MARCHF1: variants seen among roughly 807,000 people sequenced by gnomAD.
MARCHF1 encodes membrane associated ring-CH-type finger 1.
In MARCHF1, 40 loss-of-function variants were observed where a neutral mutation model predicts 54.2. The ratio of observed to expected loss-of-function variants is 0.74; its 90% CI spans 0.57 to 0.96. MARCHF1 has a LOEUF of 0.96. Among genes scored for constraint, MARCHF1 ranks in the 40% least tolerant of loss-of-function variants. The probability of loss-of-function intolerance (pLI) is 0.00; values close to 1 mark genes in which losing one functional copy is unlikely to be tolerated. For synonymous variants in MARCHF1, 236 were observed against 236.3 expected (o/e 1.00, Z 0.01); for missense variants, 586 against 656.5 (o/e 0.89, Z 1.17).
chr4:163,792,576 T>A (rs891210628), intron 4 of MARCHF1, among the ~76,000 whole-genome samples: 3 of 152,144 alleles, frequency 2.0e-5, no homozygotes, highest in African/African-American at 7.2e-5. Context: ...TACAGCTAAA[T>A]CCTAACTACT....
At chr4:164,297,368 G>T (rs1173583973) in intron 1 of MARCHF1, among the ~76,000 whole-genome samples, 1 of 152,142 alleles carries the variant, frequency 6.6e-6, no homozygotes, top group African/African-American at 2.4e-5. Flanking sequence ...TTGGCAATAA[G>T]TCATGTTGAG....
intron 1 of MARCHF1, among the ~76,000 whole-genome samples, chr4:164,251,657 T>G (rs1243010756): frequency 6.6e-6 from 1 of 152,176 alleles, no homozygotes; most frequent in Non-Finnish European, 1.5e-5. Context: ...GCTGCCTCCT[T>G]TATAATTCAC....
chr4:164,101,770 T>C (rs1267959502), intron 2 of MARCHF1, among the ~76,000 whole-genome samples: 1 of 148,182 alleles, frequency 6.7e-6, no homozygotes, highest in African/African-American at 2.5e-5. Flanking sequence ...GGAGAATGAC[T>C]TTGACGAGCT....
chr4:163,702,604 T>C (rs1744840945), intron 4 of MARCHF1, among the ~76,000 whole-genome samples: 1 of 152,172 alleles, frequency 6.6e-6, no homozygotes, highest in African/African-American at 2.4e-5. Flanking sequence ...CTTTATGGTG[T>C]TTTGAGATAA....
chr4:163,528,774 C>T lies in MARCHF1; in HGVS notation c.1612G>A (p.Gly538Ser). 6.2e-7 allele frequency: 1 copy of T among 1,612,306 alleles called. No individual in the cohort carries two copies. The highest frequency in any genetic ancestry group is 8.5e-7 in the Non-Finnish European group (1 of 1,178,868). The change falls in exon 10 of 10, where the codon GGC (glycine) becomes AGC (serine). Residue 538 changes from glycine to serine, a missense_variant. Around this residue, in one of 3 missense-constraint regions of MARCHF1, gnomAD observed 106 missense variants for 93.8 expected, o/e 1.13. Transcript: ENST00000514618. ...CAGACTGATACAACTTCAGGGGGGC[C>T]ACCCTCTGCAGATGGCAGTGAATTT... ...GANSLPSAEG[G>S]PPEVVSV
intron 1 of MARCHF1, among the ~76,000 whole-genome samples, chr4:164,367,300 G>T (rs1257476158): frequency 2.0e-5 from 3 of 152,024 alleles, no homozygotes; most frequent in African/African-American, 4.8e-5. Flanking sequence ...TACTGAAATT[G>T]TTACTCTAAG....
At chr4:163,834,092 A>C (rs754957657) in intron 4 of MARCHF1, among the ~76,000 whole-genome samples, 3 of 152,218 alleles carry the variant, frequency 2.0e-5, no homozygotes, top group Non-Finnish European at 4.4e-5. Flanking sequence ...GCAAGGAGAA[A>C]GAGACAATAT....
chr4:163,901,586 A>T (rs1175946794), intron 3 of MARCHF1, among the ~76,000 whole-genome samples: 2 of 152,182 alleles, frequency 1.3e-5, no homozygotes, highest in African/African-American at 4.8e-5. Flanking sequence ...ATACGTTTTC[A>T]GCCCTGGGAA....
intron 8 of MARCHF1, among the ~76,000 whole-genome samples, chr4:163,549,655 G>T (rs1026736874): frequency 1.3e-5 from 2 of 149,976 alleles, no homozygotes; most frequent in Middle Eastern, 3.5e-3. Flanking sequence ...GGCCTTTGGT[G>T]CCTGTTTTAC....
chr4:164,121,468 T>C (rs570532486), intron 1 of MARCHF1, among the ~76,000 whole-genome samples: 1 of 152,034 alleles, frequency 6.6e-6, no homozygotes, highest in South Asian at 2.1e-4. Context: ...AAGAGAGAGA[T>C]GTGCTGAGCA....
intron 3 of MARCHF1, among the ~76,000 whole-genome samples, chr4:163,866,819 A>G (rs1750062597): frequency 1.3e-5 from 2 of 151,826 alleles, no homozygotes; most frequent in Non-Finnish European, 2.9e-5. Context: ...AAAAGGAATC[A>G]AGTTAGAACT....
intron 1 of MARCHF1, among the ~76,000 whole-genome samples, chr4:164,314,465 T>C (rs1263823064): frequency 2.6e-5 from 4 of 152,224 alleles, no homozygotes; most frequent in African/African-American, 7.2e-5. Flanking sequence ...TCATTGACTC[T>C]TAATAATTCC....
intron 1 of MARCHF1, among the ~76,000 whole-genome samples, chr4:164,313,634 T>C (rs1734925331): frequency 6.6e-6 from 1 of 152,072 alleles, no homozygotes; most frequent in South Asian, 2.1e-4. Context: ...ATAACAATAT[T>C]AGCAGTTTTA....
At chr4:163,984,986 C>A (rs1752833988) in intron 3 of MARCHF1, among the ~76,000 whole-genome samples, 1 of 152,068 alleles carries the variant, frequency 6.6e-6, no homozygotes, top group Non-Finnish European at 1.5e-5. Flanking sequence ...TGTAGGTGAA[C>A]CTAAACCATT....
rs150273007 is a variant in MARCHF1, at chr4:163,626,651, G to A, written c.163-13258C>T. Among the ~76,000 whole-genome samples, 600 of 152,204 alleles carry A rather than the reference G, an allele frequency of 3.9e-3. 3 individuals carry two copies. Among genetic ancestry groups the A allele is most frequent in the African/African-American group, 0.013 (538 of 41,526 alleles). On this transcript the variant is annotated intron_variant, in intron 5 of 9. Transcript: ENST00000514618. ...ATATTAAAACTAGTTCTAGGGGACCGGGCACTGTGGTTCATGCCTGTAATC... is the reference window on the plus strand; with the variant it reads ...ATATTAAAACTAGTTCTAGGGGACCAGGCACTGTGGTTCATGCCTGTAATC...
At chr4:164,030,049 G>A (rs541268698) in intron 2 of MARCHF1, among the ~76,000 whole-genome samples, 18 of 152,062 alleles carry the variant, frequency 1.2e-4, no homozygotes, top group Non-Finnish European at 2.2e-4. Flanking sequence ...ACCAATTAGC[G>A]GACAGCTATA....
Position 163,767,535 on chromosome 4 carries a change from T to C in MARCHF1, c.112-66672A>G, listed in dbSNP as rs532842182. On this transcript the variant is annotated intron_variant, in intron 4 of 9. Coordinates refer to ENST00000514618, the MANE Select transcript of MARCHF1 (RefSeq NM_001394959.1). ...ATTTTTAGTAGAGACGGGGTTTCAC[T>C]GTGTTAGCCAGGATGGTCTCGATCT... Among the ~76,000 whole-genome samples the C allele has an allele frequency of 1.4e-4, 22 of 152,134 alleles. No individual in the cohort carries two copies. The East Asian group carries it at 4.1e-3, about 28-fold the overall frequency.
At chr4:163,731,309 TA>T (rs1745822103) in intron 4 of MARCHF1, among the ~76,000 whole-genome samples, 1 of 152,104 alleles carries the variant, frequency 6.6e-6, no homozygotes, top group African/African-American at 2.4e-5. Context: ...TTGACAACAA[TA>T]CAGCAACACA....
At chr4:163,987,368 T>C (rs1053523226) in intron 3 of MARCHF1, among the ~76,000 whole-genome samples, 5 of 152,230 alleles carry the variant, frequency 3.3e-5, no homozygotes, top group African/African-American at 2.4e-5. Flanking sequence ...CAAGAACTCA[T>C]TGCCATTCAA....
Sources: allele counts gnomAD v4.1 joint callset (sites outside exome capture counted in the v4.1 genomes callset), GRCh38; gene constraint gnomAD v4.1.1; regional missense constraint gnomAD v4.1.1; transcripts MANE v1.5; gene names NCBI Gene and HGNC (gene_info 2026-07-23, HGNC 2026-07-21).